The following HTR2C variants were observed in gnomAD, a reference collection of about 807,000 sequenced individuals.
HTR2C encodes the protein 5-hydroxytryptamine (serotonin) receptor 2C, G protein-coupled.
HTR2C carries 5 observed loss-of-function variants against 21.0 expected under a neutral mutation model. That is an observed-to-expected ratio of 0.24 (90% CI 0.12 to 0.50). HTR2C has a LOEUF of 0.50. Among genes scored for constraint, HTR2C ranks in the 20% least tolerant of loss-of-function variants. The pLI is 0.98. For synonymous variants in HTR2C, 150 were observed against 145.3 expected (o/e 1.03, Z -0.23); for missense variants, 271 against 371.2 (o/e 0.73, Z 2.22).
At chrX:114,845,135 A>G (rs183831954) in intron 4 of HTR2C, among the ~76,000 whole-genome samples, 1 of 111,680 alleles carries the variant, frequency 9.0e-6, no homozygotes, top group African/African-American at 3.2e-5. Flanking sequence ...ACAAATGTCA[A>G]TACATTTAAA....
chrX:114,725,369 G>T (rs1315054140), intron 2 of HTR2C, among the ~76,000 whole-genome samples: 1 of 111,375 alleles, frequency 9.0e-6, no homozygotes, highest in Non-Finnish European at 1.9e-5. Context: ...AGCTCCATCA[G>T]CTCCTTTAAG....
At chrX:114,711,551 C>G (rs1179511548) in intron 2 of HTR2C, among the ~76,000 whole-genome samples, 1 of 111,494 alleles carries the variant, frequency 9.0e-6, no homozygotes, top group African/African-American at 3.2e-5. Context: ...ACTCATATAT[C>G]CCTAGTATAT....
chrX:114,702,037 C>A (rs1355215644), intron 2 of HTR2C, among the ~76,000 whole-genome samples: 2 of 108,277 alleles, frequency 1.8e-5, no homozygotes, highest in African/African-American at 6.7e-5. Context: ...ACGAACAAAG[C>A]CTCCAAGAAA....
At chrX:114,755,663 T>G (rs1384556086) in intron 4 of HTR2C, among the ~76,000 whole-genome samples, 2 of 111,402 alleles carry the variant, frequency 1.8e-5, no homozygotes, top group Non-Finnish European at 3.8e-5. Flanking sequence ...GGCTATTTTT[T>G]GGGGGGTCAT....
rs141224730 is a variant in HTR2C, at chrX:114,645,072, A to G, written c.-80+31191A>G. ...TGAAAACAATCCAAAACACAAGAAA[A>G]GGCAGCATTTCATACCTCTATTGTT... On this transcript the variant is annotated intron_variant, in intron 2 of 5. Transcript: ENST00000276198. Among the ~76,000 whole-genome samples the G allele has an allele frequency of 1.1e-3, 121 of 111,078 alleles. 1 individual carries two copies. The East Asian group carries it at 0.016, about 15-fold the overall frequency.
chrX:114,895,668 T>C (rs1359321033), intron 5 of HTR2C, among the ~76,000 whole-genome samples: 1 of 112,017 alleles, frequency 8.9e-6, no homozygotes, highest in East Asian at 2.8e-4. Context: ...TTCTTTCTTC[T>C]TTTTGAATAT....
chrX:114,706,353 A>G (rs1932767911), intron 2 of HTR2C, among the ~76,000 whole-genome samples: 1 of 83,046 alleles, frequency 1.2e-5, no homozygotes, highest in Non-Finnish European at 2.3e-5. Context: ...TGTGGCACAT[A>G]TACACCATGG....
At chrX:114,625,775 C>T (rs1929346022) in intron 2 of HTR2C, among the ~76,000 whole-genome samples, 1 of 111,146 alleles carries the variant, frequency 9.0e-6, no homozygotes, top group African/African-American at 3.3e-5. Flanking sequence ...AAGAGTATCT[C>T]AAAGTGTGTG....
At chrX:114,630,829 T>G (rs782091554) in intron 2 of HTR2C, 1 of 372,292 alleles carries the variant, frequency 2.7e-6, no homozygotes. Context: ...GGGCTCCATC[T>G]TGACCAACTG....
At chrX:114,721,789 T>C (rs1316653220) in intron 2 of HTR2C, among the ~76,000 whole-genome samples, 3 of 111,075 alleles carry the variant, frequency 2.7e-5, no homozygotes, top group Non-Finnish European at 5.7e-5. Context: ...TTTCCCCATT[T>C]CTTATTTTTC....
chrX:114,815,521 T>C (rs2070576113), intron 4 of HTR2C, among the ~76,000 whole-genome samples: 1 of 110,911 alleles, frequency 9.0e-6, no homozygotes, highest in African/African-American at 3.3e-5. Context: ...AAAAACTACA[T>C]TGAAGAAACT....
At chrX:114,641,917 CCCA>C (rs1930148287) in intron 2 of HTR2C, among the ~76,000 whole-genome samples, 1 of 110,753 alleles carries the variant, frequency 9.0e-6, no homozygotes, top group African/African-American at 3.3e-5. Flanking sequence ...GGCAAAAAGC[CCCA>C]GTGTGTGTTG....
chrX:114,810,206 G>A (rs1228397177), intron 4 of HTR2C, among the ~76,000 whole-genome samples: 1 of 111,415 alleles, frequency 9.0e-6, no homozygotes, highest in Non-Finnish European at 1.9e-5. Flanking sequence ...GAGGGAAGGA[G>A]TCTCTCCCAG....
At chrX:114,630,684 T>C (rs1312183852) in intron 2 of HTR2C, 1 of 149,827 alleles carries the variant, frequency 6.7e-6, no homozygotes, top group Non-Finnish European at 1.4e-5. Context: ...AGTCACCATG[T>C]TGAGTGAATG....
At chrX:114,632,330 G>T (rs1929662275) in intron 2 of HTR2C, among the ~76,000 whole-genome samples, 1 of 111,367 alleles carries the variant, frequency 9.0e-6, no homozygotes. Flanking sequence ...ATTGAGGGGG[G>T]ACTCCCACAA....
intron 2 of HTR2C, among the ~76,000 whole-genome samples, chrX:114,705,539 C>A (rs1932750717): frequency 9.2e-6 from 1 of 108,498 alleles, no homozygotes; most frequent in African/African-American, 3.3e-5. Context: ...CTTCCTTACA[C>A]CTTATACAAA....
intron 2 of HTR2C, among the ~76,000 whole-genome samples, chrX:114,704,410 C>T (rs1322222359): frequency 9.0e-6 from 1 of 111,595 alleles, no homozygotes; most frequent in Non-Finnish European, 1.9e-5. Flanking sequence ...TCAATATACA[C>T]AAATCAATAA....
intron 2 of HTR2C, among the ~76,000 whole-genome samples, chrX:114,651,381 G>T (rs1265328741): frequency 1.8e-5 from 2 of 111,678 alleles, no homozygotes; most frequent in East Asian, 5.6e-4. Context: ...GGTATGGCTA[G>T]AGGGTAAGAG....
chrX:114,793,407 G>T (rs1556444215), intron 4 of HTR2C, among the ~76,000 whole-genome samples: 1 of 111,542 alleles, frequency 9.0e-6, no homozygotes, highest in African/African-American at 3.3e-5. Flanking sequence ...TTGAAGCTAT[G>T]CATCACTGTC....
Sources: gnomAD v4.1 joint callset for allele counts (sites outside exome capture counted in the v4.1 genomes callset) on GRCh38, gnomAD v4.1.1 for gene constraint, MANE v1.5 for transcripts, NCBI Gene and HGNC (gene_info 2026-07-23, HGNC 2026-07-21) for gene names.